PPM1L: variants seen among roughly 807,000 people sequenced by gnomAD.
The protein encoded by PPM1L is protein phosphatase 1L.
Under a neutral mutation model 31.4 loss-of-function variants are expected in PPM1L, and 13 were observed. The ratio of observed to expected loss-of-function variants is 0.41; its 90% confidence interval spans 0.27 to 0.66. PPM1L has a LOEUF of 0.66. Among genes scored for constraint, PPM1L ranks in the 30% least tolerant of loss-of-function variants. The probability of loss-of-function intolerance (pLI) is 0.29; values close to 1 mark genes in which losing one functional copy is unlikely to be tolerated. For synonymous variants in PPM1L, 184 were observed against 175.4 expected, an observed-to-expected ratio of 1.05 and a Z score of -0.39; for missense variants, 326 against 453.7, an observed-to-expected ratio of 0.72 and a Z score of 2.56.
At chr3:161,022,283 C>T (rs1414685963) in intron 2 of PPM1L, 1 of 536,740 alleles carries the variant, frequency 1.9e-6, no homozygotes, top group African/African-American at 2.0e-5. Context: ...TATTCCCTCC[C>T]CATTCTCTGT....
intron 1 of PPM1L, among the ~76,000 whole-genome samples, chr3:160,892,979 T>C (rs1212419680): frequency 1.3e-5 from 2 of 152,176 alleles, no homozygotes; most frequent in Non-Finnish European, 2.9e-5. Context: ...TGTTACTTTT[T>C]CTTAATAGTT....
chr3:160,908,595 AT>A (rs35755053), intron 1 of PPM1L, among the ~76,000 whole-genome samples: 1 of 152,078 alleles, frequency 6.6e-6, no homozygotes, highest in East Asian at 1.9e-4. Flanking sequence ...GACTGATGAG[AT>A]TTTTTCACCA....
chr3:160,793,764 A>G (rs1712168397), intron 1 of PPM1L, among the ~76,000 whole-genome samples: 1 of 152,204 alleles, frequency 6.6e-6, no homozygotes, highest in Non-Finnish European at 1.5e-5. Context: ...GGTGTAAAAC[A>G]AAGGTGCATT....
At chr3:161,046,015 G>A (rs1719051710) in intron 2 of PPM1L, among the ~76,000 whole-genome samples, 1 of 147,876 alleles carries the variant, frequency 6.8e-6, no homozygotes, top group East Asian at 2.1e-4. Flanking sequence ...GGAGGCTGAG[G>A]CAGGAGAATG....
At chr3:161,057,497 T>A (rs1210018967) in intron 2 of PPM1L, among the ~76,000 whole-genome samples, 1 of 152,042 alleles carries the variant, frequency 6.6e-6, no homozygotes, top group Non-Finnish European at 1.5e-5. Flanking sequence ...CTATGAAGAA[T>A]CATAGTAATC....
chr3:160,821,243 AT>A (rs1231445875), intron 1 of PPM1L, among the ~76,000 whole-genome samples: 2 of 148,248 alleles, frequency 1.3e-5, no homozygotes, highest in Non-Finnish European at 3.0e-5. Context: ...AAAACATATA[AT>A]TATATGTTTA....
chr3:160,903,216 G>GTATGTT (rs1560145230), intron 1 of PPM1L, among the ~76,000 whole-genome samples: 2 of 126,306 alleles, frequency 1.6e-5, no homozygotes, highest in South Asian at 2.7e-4. Flanking sequence ...GTTTGTGTGT[G>GTATGTT]TGTGTGTGTG....
intron 2 of PPM1L, among the ~76,000 whole-genome samples, chr3:161,032,923 C>A (rs542011046): frequency 5.1e-5 from 7 of 137,042 alleles, no homozygotes; most frequent in Non-Finnish European, 1.1e-4. Context: ...GTTGGTCAGG[C>A]TGGTCTTGAA....
chr3:160,854,936 A>AG (rs139858594), intron 1 of PPM1L, among the ~76,000 whole-genome samples: 2 of 152,042 alleles, frequency 1.3e-5, no homozygotes, highest in Non-Finnish European at 2.9e-5. Flanking sequence ...CAAAAAAAAA[A>AG]CAAAGTCACA....
Position 160,998,984 on chromosome 3 carries a change from G to A in PPM1L, c.574+37074G>A, listed in dbSNP as rs1272762263. ...AAGAAAAGAAAAGAAAGCCGGTGGTGAAAAGAACCATGTTTTCTCAGTTAA... is the reference window on the plus strand; with the variant it reads ...AAGAAAAGAAAAGAAAGCCGGTGGTAAAAAGAACCATGTTTTCTCAGTTAA... On this transcript the variant is annotated intron_variant, in intron 2 of 3. Transcript: ENST00000498165. 2.6e-5 allele frequency among the ~76,000 whole-genome samples: 4 copies of A among 152,112 alleles called. No individual in the cohort carries two copies. The South Asian group carries it at 8.3e-4, about 32-fold the overall frequency.
chr3:161,072,214 G>A lies in PPM1L; in HGVS notation c.*3057G>A, dbSNP rs1438216336. 6.6e-6 allele frequency: 1 copy of A among 152,132 alleles called. No individual in the cohort carries two copies. The highest frequency in any genetic ancestry group is 1.5e-5 in the Non-Finnish European group (1 of 68,026). The allele number at this position is 152,132 out of a possible 1,614,324, so 9.4% of individuals were successfully genotyped here. ...AACACATATAGAAAGCTCCAAAGCT[G>A]TTCCCAAGACCTGTATTATTTATTT... On this transcript the variant is annotated 3_prime_UTR_variant, in exon 4 of 4. Transcript: ENST00000498165.
At chr3:160,970,616 AT>A (rs1576751689) in intron 2 of PPM1L, among the ~76,000 whole-genome samples, 1 of 151,232 alleles carries the variant, frequency 6.6e-6, no homozygotes, top group African/African-American at 2.4e-5. Context: ...CGCCCAGCTA[AT>A]TTCTTTACTT....
intron 1 of PPM1L, among the ~76,000 whole-genome samples, chr3:160,871,608 A>C (rs1576681396): frequency 2.0e-5 from 3 of 152,216 alleles, no homozygotes; most frequent in Admixed American, 6.5e-5. Context: ...GAAATCTTGA[A>C]TCTTCCTTGG....
intron 2 of PPM1L, among the ~76,000 whole-genome samples, chr3:161,009,913 G>T (rs1717834594): frequency 6.6e-6 from 1 of 152,086 alleles, no homozygotes; most frequent in Non-Finnish European, 1.5e-5. Context: ...ATGCATTACA[G>T]AAGATATTCA....
At chr3:160,979,816 T>C (rs1201797657) in intron 2 of PPM1L, among the ~76,000 whole-genome samples, 1 of 152,116 alleles carries the variant, frequency 6.6e-6, no homozygotes, top group Non-Finnish European at 1.5e-5. Flanking sequence ...AAATGGAATG[T>C]AATACCACAG....
intron 1 of PPM1L, among the ~76,000 whole-genome samples, chr3:160,807,272 G>A (rs73877966): frequency 0.12 from 18,839 of 152,206 alleles, 2,093 homozygotes; most frequent in African/African-American, 0.3. Context: ...CACCTTCAAT[G>A]AATCAGTTCC....
intron 1 of PPM1L, among the ~76,000 whole-genome samples, chr3:160,855,081 A>G (rs957939370): frequency 1.3e-5 from 2 of 152,110 alleles, no homozygotes; most frequent in East Asian, 1.9e-4. Context: ...CATACCTACA[A>G]CCATATGATC....
chr3:160,902,499 A>G (rs1035027838), intron 1 of PPM1L, among the ~76,000 whole-genome samples: 5 of 152,132 alleles, frequency 3.3e-5, no homozygotes, highest in Non-Finnish European at 7.4e-5. Context: ...TCAAGATAAC[A>G]TTTTTCTTCA....
intron 1 of PPM1L, among the ~76,000 whole-genome samples, chr3:160,952,378 G>A (rs1198856272): frequency 2.0e-5 from 3 of 152,172 alleles, no homozygotes; most frequent in Admixed American, 2.0e-4. Flanking sequence ...TCAAGGGCAG[G>A]GAAACCTTGC....
Sources: allele counts gnomAD v4.1 joint callset (sites outside exome capture counted in the v4.1 genomes callset), GRCh38; gene constraint gnomAD v4.1.1; transcripts MANE v1.5; gene names NCBI Gene and HGNC (gene_info 2026-07-23, HGNC 2026-07-21).